The following GRIP1 variants were observed in gnomAD, a reference collection of about 807,000 sequenced individuals.
GRIP1 encodes the protein glutamate receptor interacting protein 1.
A neutral mutation model predicts 129.9 loss-of-function variants in GRIP1; 45 were observed. The ratio of observed to expected loss-of-function variants is 0.35; its 90% CI spans 0.27 to 0.44. The LOEUF (loss-of-function observed/expected upper bound fraction) is 0.44, where lower values mean the gene tolerates loss of function less well. Ranked by LOEUF, GRIP1 falls within the 20% of genes least tolerant of loss-of-function variation. The probability of loss-of-function intolerance (pLI) is 1.00; values close to 1 mark genes in which losing one functional copy is unlikely to be tolerated. For synonymous variants in GRIP1, 530 were observed against 520.8 expected (o/e 1.02, Z -0.24); for missense variants, 1,196 against 1,396.8 (o/e 0.86, Z 2.29).
intron 19 of GRIP1, among the ~76,000 whole-genome samples, chr12:66,380,525 A>G (rs990592563): frequency 1.3e-5 from 2 of 152,238 alleles, no homozygotes; most frequent in Admixed American, 6.5e-5. Context: ...TGAGACAGTG[A>G]GGAATGGCTT....
chr12:66,477,878 C>A (rs2059669580), intron 7 of GRIP1, among the ~76,000 whole-genome samples: 1 of 152,072 alleles, frequency 6.6e-6, no homozygotes, highest in Non-Finnish European at 1.5e-5. Context: ...AAAATTAATT[C>A]AAGATGGATT....
intron 1 of GRIP1, among the ~76,000 whole-genome samples, chr12:66,646,237 T>C (rs1356676779): frequency 3.9e-5 from 6 of 152,258 alleles, no homozygotes; most frequent in Non-Finnish European, 4.4e-5. Context: ...CCTTTATGTT[T>C]TATGTATACT....
At chr12:67,022,826 C>G (rs1276954774) in intron 1 of GRIP1, among the ~76,000 whole-genome samples, 1 of 151,940 alleles carries the variant, frequency 6.6e-6, no homozygotes, top group Non-Finnish European at 1.5e-5. Context: ...AGCATAGTAC[C>G]CAATAGGTAG....
At chr12:67,034,570 A>G (rs1417956054) in intron 1 of GRIP1, among the ~76,000 whole-genome samples, 1 of 152,226 alleles carries the variant, frequency 6.6e-6, no homozygotes, top group Non-Finnish European at 1.5e-5. Flanking sequence ...ACACCTATGT[A>G]AGGCACTTGC....
intron 1 of GRIP1, among the ~76,000 whole-genome samples, chr12:66,829,324 T>C (rs28612265): frequency 6.6e-6 from 1 of 152,076 alleles, no homozygotes; most frequent in Non-Finnish European, 1.5e-5. Context: ...CATCAAAAAC[T>C]GGGAAGGGAA....
intron 1 of GRIP1, among the ~76,000 whole-genome samples, chr12:66,874,592 GGAA>G (rs1035109153): frequency 6.6e-6 from 1 of 152,030 alleles, no homozygotes; most frequent in Admixed American, 6.6e-5. Flanking sequence ...TTACAATCAT[GGAA>G]GAAGGCGAAG....
At chr12:66,999,754 C>T (rs1326135511) in intron 1 of GRIP1, among the ~76,000 whole-genome samples, 1 of 152,030 alleles carries the variant, frequency 6.6e-6, no homozygotes, top group African/African-American at 2.4e-5. Context: ...AAAAGAAAAA[C>T]AGAGAGAGAA....
chr12:66,546,597 T>C (rs2061954323), intron 2 of GRIP1, among the ~76,000 whole-genome samples: 1 of 152,122 alleles, frequency 6.6e-6, no homozygotes, highest in African/African-American at 2.4e-5. Context: ...TGACATACTG[T>C]TTTTTGACAA....
chr12:67,004,287 A>G (rs78573086), intron 1 of GRIP1, among the ~76,000 whole-genome samples: 1 of 152,334 alleles, frequency 6.6e-6, no homozygotes, highest in African/African-American at 2.4e-5. Context: ...GTTACTCACT[A>G]GCTTTCAATT....
intron 1 of GRIP1, among the ~76,000 whole-genome samples, chr12:66,705,420 G>T (rs2035494444): frequency 6.6e-6 from 1 of 152,030 alleles, no homozygotes. Context: ...ACAAACAAAT[G>T]GAAAAATGTT....
At chr12:66,503,907 C>A (rs1337420185) in intron 7 of GRIP1, among the ~76,000 whole-genome samples, 5 of 152,144 alleles carry the variant, frequency 3.3e-5, no homozygotes, top group Non-Finnish European at 7.4e-5. Flanking sequence ...GGGACAGGAA[C>A]TTTTCATAGG....
intron 1 of GRIP1, among the ~76,000 whole-genome samples, chr12:66,898,618 G>A (rs1374636495): frequency 2.0e-5 from 3 of 152,080 alleles, no homozygotes; most frequent in Non-Finnish European, 4.4e-5. Flanking sequence ...GCCAAGTAAA[G>A]CTAAAATAAT....
At chr12:66,539,364 G>A in intron 3 of GRIP1, 141 bp from the exon 4 acceptor site, 1 of 1,028,060 alleles carries the variant, frequency 9.7e-7, no homozygotes, top group Non-Finnish European at 1.5e-6. Flanking sequence ...CTGCCTCCTA[G>A]GAGACGGTGG....
chr12:66,603,182 GAA>G (rs55809755), intron 1 of GRIP1, among the ~76,000 whole-genome samples: 10 of 146,238 alleles, frequency 6.8e-5, no homozygotes, highest in Non-Finnish European at 1.2e-4. Flanking sequence ...TTGAACTTTG[GAA>G]AAAAAAAAAC....
At chr12:66,975,020 G>A (rs1425050312) in intron 1 of GRIP1, among the ~76,000 whole-genome samples, 1 of 152,102 alleles carries the variant, frequency 6.6e-6, no homozygotes, top group Non-Finnish European at 1.5e-5. Context: ...TTTGGAATCT[G>A]GGGGGTCAAA....
In GRIP1 at chr12:66,911,844, C is replaced by A. The variant is rs76099275; in HGVS notation, c.58+157206G>T. 5.5e-3 allele frequency among the ~76,000 whole-genome samples: 832 copies of A among 152,298 alleles called. 10 individuals carry two copies. Among genetic ancestry groups the A allele is most frequent in the African/African-American group, 0.019 (774 of 41,560 alleles). ...ACAATACTTAGTTCAATGCACTGAGCAACACTGGAGTGAACACAGTGTGCA... is the reference window on the plus strand; with the variant it reads ...ACAATACTTAGTTCAATGCACTGAGAAACACTGGAGTGAACACAGTGTGCA... On this transcript the variant is annotated intron_variant, in intron 1 of 1. Transcript: ENST00000643019.
At chr12:66,899,323 T>C (rs1195010954) in intron 1 of GRIP1, among the ~76,000 whole-genome samples, 2 of 150,970 alleles carry the variant, frequency 1.3e-5, no homozygotes. Context: ...ATGTACTTCC[T>C]GTAGACATCA....
intron 1 of GRIP1, among the ~76,000 whole-genome samples, chr12:66,768,490 T>C (rs1346221258): frequency 1.3e-5 from 2 of 152,114 alleles, no homozygotes; most frequent in African/African-American, 4.8e-5. Flanking sequence ...CCTCAGTGAA[T>C]TGAGGAAGTT....
intron 2 of GRIP1, among the ~76,000 whole-genome samples, chr12:66,588,832 G>T (rs1442668289): frequency 6.7e-6 from 1 of 148,624 alleles, no homozygotes; most frequent in African/African-American, 2.5e-5. Flanking sequence ...AGCTGGGCAT[G>T]GTGGTGTACG....
Sources: allele counts gnomAD v4.1 joint callset (sites outside exome capture counted in the v4.1 genomes callset), GRCh38; gene constraint gnomAD v4.1.1; transcripts MANE v1.5; gene names NCBI Gene and HGNC (gene_info 2026-07-23, HGNC 2026-07-21).